The following IGF2BP3 variants were observed in gnomAD, a reference collection of about 807,000 sequenced individuals.
IGF2BP3 encodes insulin-like growth factor 2 mRNA-binding protein 3.
A neutral mutation model predicts 73.8 loss-of-function variants in IGF2BP3; 9 were observed. The ratio of observed to expected loss-of-function variants is 0.12; its 90% CI spans 0.07 to 0.21. The LOEUF (loss-of-function observed/expected upper bound fraction) is 0.21, where lower values mean the gene tolerates loss of function less well. Ranked by LOEUF, IGF2BP3 falls within the 10% of genes least tolerant of loss-of-function variation. The pLI is 1.00. For synonymous variants in IGF2BP3, 258 were observed against 256.7 expected (o/e 1.01, Z -0.05); for missense variants, 542 against 714.0 (o/e 0.76, Z 2.75).
At chr7:23,439,097 G>A (rs2128544413) in intron 2 of IGF2BP3, among the ~76,000 whole-genome samples, 2 of 152,076 alleles carry the variant, frequency 1.3e-5, no homozygotes, top group South Asian at 4.2e-4. Flanking sequence ...TTTAAAACTA[G>A]CTGGGCACAG....
intron 3 of IGF2BP3, chr7:23,405,034 A>C (rs1786783897): frequency 6.6e-6 from 1 of 152,344 alleles, no homozygotes; most frequent in Non-Finnish European, 1.5e-5. Flanking sequence ...TCTAGTGCTG[A>C]GTCACATGGA....
intron 2 of IGF2BP3, among the ~76,000 whole-genome samples, chr7:23,464,481 AAAC>A (rs1424024815): frequency 1.3e-5 from 2 of 152,136 alleles, no homozygotes; most frequent in African/African-American, 4.8e-5. Context: ...AACAAACAAA[AAAC>A]AACGTTTGAG....
At chr7:23,468,650 AG>A in intron 1 of IGF2BP3, 108 bp from the exon 2 acceptor site, 3 of 1,083,892 alleles carry the variant, frequency 2.8e-6, no homozygotes, top group Non-Finnish European at 4.2e-6. Flanking sequence ...AGGCCCTCGA[AG>A]GGCCCCCGAG....
rs375065876 is a variant in IGF2BP3, at chr7:23,417,565, A to G, written c.285+1211T>C. 2.0e-3 allele frequency among the ~76,000 whole-genome samples: 302 copies of G among 152,334 alleles called. 2 individuals carry two copies. Among genetic ancestry groups the G allele is most frequent in the South Asian group, 5.0e-3 (24 of 4,830 alleles). On this transcript the variant is annotated intron_variant, in intron 3 of 14. Transcript: ENST00000258729. ...GCTAGTACTCTAATAATTTACTTAA[A>G]CTTGGTTTCTACCATTTGGCTGTTT...
chr7:23,408,471 C>T (rs965587785), intron 3 of IGF2BP3, among the ~76,000 whole-genome samples: 4 of 152,002 alleles, frequency 2.6e-5, no homozygotes. Context: ...TATTCACCTA[C>T]TATTTAGAAA....
intron 3 of IGF2BP3, among the ~76,000 whole-genome samples, chr7:23,363,178 T>C (rs1338679773): frequency 1.3e-5 from 2 of 152,260 alleles, no homozygotes; most frequent in African/African-American, 4.8e-5. Flanking sequence ...AGGTTTATCT[T>C]ATGTGGTATA....
intron 2 of IGF2BP3, among the ~76,000 whole-genome samples, chr7:23,421,490 C>T (rs1261566178): frequency 6.6e-6 from 1 of 151,148 alleles, no homozygotes; most frequent in Non-Finnish European, 1.5e-5. Context: ...GTCAGAAGTT[C>T]GAGACCAGCC....
At chr7:23,430,484 G>A (rs1297023796) in intron 2 of IGF2BP3, among the ~76,000 whole-genome samples, 1 of 152,204 alleles carries the variant, frequency 6.6e-6, no homozygotes, top group African/African-American at 2.4e-5. Context: ...TTTCCAACCC[G>A]CCACTTGGTG....
intron 3 of IGF2BP3, among the ~76,000 whole-genome samples, chr7:23,380,652 C>G (rs1002073289): frequency 2.0e-5 from 3 of 152,190 alleles, no homozygotes; most frequent in South Asian, 4.1e-4. Context: ...ACTCCCTGTA[C>G]TGGGATGAAT....
intron 2 of IGF2BP3, among the ~76,000 whole-genome samples, chr7:23,447,864 T>C (rs1210066571): frequency 6.6e-6 from 1 of 152,110 alleles, no homozygotes; most frequent in African/African-American, 2.4e-5. Context: ...GCCTGTAGTT[T>C]TGGCTACTCA....
At chr7:23,412,464 A>G (rs1459368886) in intron 3 of IGF2BP3, among the ~76,000 whole-genome samples, 3 of 152,234 alleles carry the variant, frequency 2.0e-5, no homozygotes, top group Admixed American at 1.3e-4. Context: ...TGTATTCCCC[A>G]TAAGTACCTG....
chr7:23,320,191 C>T (rs987008004), intron 10 of IGF2BP3, among the ~76,000 whole-genome samples: 23 of 151,984 alleles, frequency 1.5e-4, no homozygotes, highest in Admixed American at 6.6e-4. Context: ...GGATTACAGG[C>T]GTGAGCCACT....
chr7:23,314,655 A>T (rs1783928103), intron 12 of IGF2BP3, among the ~76,000 whole-genome samples: 2 of 152,110 alleles, frequency 1.3e-5, no homozygotes, highest in Admixed American at 6.5e-5. Flanking sequence ...AGCTATGCCA[A>T]GCTCACTAAA....
At chr7:23,442,438 C>G (rs1395641124) in intron 2 of IGF2BP3, among the ~76,000 whole-genome samples, 2 of 151,976 alleles carry the variant, frequency 1.3e-5, no homozygotes, top group African/African-American at 4.8e-5. Context: ...TGCTCTGTCA[C>G]CCAGGCTGGA....
At chr7:23,378,066 C>T (rs1432635700) in intron 3 of IGF2BP3, among the ~76,000 whole-genome samples, 2 of 152,108 alleles carry the variant, frequency 1.3e-5, no homozygotes, top group Non-Finnish European at 2.9e-5. Flanking sequence ...CTAAAAACCA[C>T]TGAATTGTAT....
chr7:23,426,915 A>T (rs1787527995), intron 2 of IGF2BP3, among the ~76,000 whole-genome samples: 1 of 152,234 alleles, frequency 6.6e-6, no homozygotes, highest in African/African-American at 2.4e-5. Flanking sequence ...TCCATAAAGA[A>T]CAAGTGTCCC....
chr7:23,405,416 T>C (rs1786795923), intron 3 of IGF2BP3, among the ~76,000 whole-genome samples: 1 of 152,206 alleles, frequency 6.6e-6, no homozygotes, highest in Non-Finnish European at 1.5e-5. Flanking sequence ...ATTTGCTTCT[T>C]TTTTTCCCTC....
intron 7 of IGF2BP3, 125 bp from the exon 8 acceptor site, chr7:23,346,187 C>T (rs1784824117): frequency 1.9e-6 from 2 of 1,058,984 alleles, no homozygotes; most frequent in Admixed American, 2.8e-5. Context: ...TTAGGTACAG[C>T]TTAAAACTTG....
chr7:23,317,050 G>A (rs1392344526), intron 12 of IGF2BP3, among the ~76,000 whole-genome samples: 1 of 152,198 alleles, frequency 6.6e-6, no homozygotes, highest in Non-Finnish European at 1.5e-5. Flanking sequence ...TGAACTAGCA[G>A]CCTGGCTGCC....
Sources: allele counts gnomAD v4.1 joint callset (sites outside exome capture counted in the v4.1 genomes callset), GRCh38; gene constraint gnomAD v4.1.1; transcripts MANE v1.5; gene names NCBI Gene and HGNC (gene_info 2026-07-23, HGNC 2026-07-21).